The following SYBU variants were observed in gnomAD, a reference collection of about 807,000 sequenced individuals.
The protein encoded by SYBU is syntabulin, also known as GOLSYN A protein.
SYBU carries 21 observed loss-of-function variants against 35.9 expected under a neutral mutation model. The ratio of observed to expected loss-of-function variants is 0.58; its 90% confidence interval spans 0.41 to 0.84. The LOEUF is 0.84. Ranked by LOEUF, SYBU falls within the 40% of genes least tolerant of loss-of-function variation. The pLI, the probability that SYBU is intolerant of heterozygous loss-of-function variation, is 0.00. For missense variants in SYBU, 768 were observed against 848.2 expected, an observed-to-expected ratio of 0.91 and a Z score of 1.17; for synonymous variants, 319 against 324.3, an observed-to-expected ratio of 0.98 and a Z score of 0.18.
At chr8:109,685,331 C>G (rs1424488065), upstream of SYBU, among the ~76,000 whole-genome samples, 5 of 152,180 alleles carry the variant, frequency 3.3e-5, no homozygotes, top group Non-Finnish European at 5.9e-5. Context: ...AATAATTAGA[C>G]AATGCATACC....
At chr8:109,668,548 T>C (rs1054316764) in intron 1 of SYBU, among the ~76,000 whole-genome samples, 1 of 152,204 alleles carries the variant, frequency 6.6e-6, no homozygotes, top group Non-Finnish European at 1.5e-5. Context: ...TCTGTATGTA[T>C]GTGTGCTATG....
At chr8:109,580,525 G>A (rs1028836431) in intron 4 of SYBU, 1 of 153,446 alleles carries the variant, frequency 6.5e-6, no homozygotes, top group Admixed American at 6.4e-5. Flanking sequence ...TGCATCATTG[G>A]TAATTTTGAT....
chr8:109,691,235 G>A lies in SYBU; in HGVS notation c.-58+98C>T. On this transcript the variant is annotated intron_variant, in intron 1 of 7. Coordinates refer to the SYBU transcript ENST00000422135. The surrounding 1 kb of genome is among the most constrained non-coding windows in gnomAD (Gnocchi z 4.7). ...GGAAAGGGTGGTCCTGGGGTCCGGA[G>A]CGCCCCATCACTGCCCTCATTGTAC... The A allele has an allele frequency of 1.5e-6, 1 of 678,752 alleles. No homozygotes were observed. Among genetic ancestry groups the A allele is most frequent in the South Asian group, 1.5e-5 (1 of 64,552 alleles). The allele number at this position is 678,752 out of a possible 1,614,324, so 42.0% of individuals were successfully genotyped here.
At chr8:109,603,257 CT>C (rs1825734504) in intron 3 of SYBU, 1 of 226,482 alleles carries the variant, frequency 4.4e-6, no homozygotes, top group African/African-American at 2.3e-5. Flanking sequence ...TCTCAAGCTT[CT>C]GAACAAAATG....
At chr8:109,606,617 T>C (rs960031199) in intron 3 of SYBU, among the ~76,000 whole-genome samples, 12 of 152,198 alleles carry the variant, frequency 7.9e-5, no homozygotes, top group Non-Finnish European at 1.6e-4. Context: ...ATGATCTCTA[T>C]AGAATTTCTC....
intron 3 of SYBU, among the ~76,000 whole-genome samples, chr8:109,587,370 C>T (rs1429361228): frequency 1.3e-5 from 2 of 152,146 alleles, no homozygotes; most frequent in Non-Finnish European, 2.9e-5. Context: ...AGACATTAAT[C>T]TCACTATTTT....
intron 2 of SYBU, among the ~76,000 whole-genome samples, chr8:109,621,275 C>G (rs528125969): frequency 6.6e-6 from 1 of 152,300 alleles, no homozygotes; most frequent in African/African-American, 2.4e-5. Flanking sequence ...CTAGTCCTTT[C>G]AAGGATTAAG....
intron 4 of SYBU, among the ~76,000 whole-genome samples, chr8:109,582,589 A>G (rs2844236): frequency 0.18 from 27,432 of 152,054 alleles, 2,840 homozygotes; most frequent in East Asian, 0.33. Context: ...ATGACACCTC[A>G]TGAGTGACTC....
At chr8:109,615,166 T>A (rs1811596933) in intron 3 of SYBU, among the ~76,000 whole-genome samples, 1 of 152,186 alleles carries the variant, frequency 6.6e-6, no homozygotes. Context: ...TACTTAATAT[T>A]AAAGAGTCCC....
chr8:109,663,258 C>CAGAT (rs67666534), intron 1 of SYBU, among the ~76,000 whole-genome samples: 20,829 of 149,030 alleles, frequency 0.14, 1,511 homozygotes, highest in East Asian at 0.19. Flanking sequence ...AAAATACATA[C>CAGAT]AGATAGATAG....
In SYBU at chr8:109,668,169, A is replaced by AGAGAGAAAGGG. The variant is rs1418115170; in HGVS notation, c.-129+12541_-129+12542insCCCTTTCTCTC. ...AAGAGGCAGAGGGGGAGAGGGGGAGAGAGAGAGAGAGAGAGAGAGAGAGAG... is the reference window on the plus strand; with the variant it reads ...AAGAGGCAGAGGGGGAGAGGGGGAGAGAGAGAAAGGGGAGAGAGAGAGAGAGAGAGAGAGAG... On this transcript the variant is annotated intron_variant, in intron 1 of 5. Coordinates refer to the SYBU transcript ENST00000408889. 4.2e-3 allele frequency among the ~76,000 whole-genome samples: 511 copies of AGAGAGAAAGGG among 122,734 alleles called. 26 individuals are homozygous for AGAGAGAAAGGG. Among genetic ancestry groups the AGAGAGAAAGGG allele is most frequent in the African/African-American group, 0.015 (445 of 29,462 alleles). 80.5% of individuals were successfully genotyped at this position (122,734 alleles called of 152,430 possible).
chr8:109,645,606 AAAGTT>A, upstream of SYBU: 5 of 270,948 alleles, frequency 1.8e-5, no homozygotes, highest in Non-Finnish European at 3.6e-5. Context: ...CTTTATGCCT[AAAGTT>A]TTTGTTGTTG....
chr8:109,607,808 T>TCACA (rs71305960), intron 3 of SYBU: 35,068 of 373,306 alleles, frequency 0.094, 1,103 homozygotes, highest in African/African-American at 0.13. Flanking sequence ...CACAACTAAC[T>TCACA]CACACACACA....
chr8:109,592,284 A>G (rs1824371934), intron 3 of SYBU, among the ~76,000 whole-genome samples: 1 of 152,184 alleles, frequency 6.6e-6, no homozygotes, highest in Non-Finnish European at 1.5e-5. Flanking sequence ...TTCAGCAAAG[A>G]GCATGTTTCT....
At chr8:109,607,374 A>T (rs1246293519) in intron 3 of SYBU, among the ~76,000 whole-genome samples, 1 of 152,234 alleles carries the variant, frequency 6.6e-6, no homozygotes, top group Non-Finnish European at 1.5e-5. Flanking sequence ...TTTTCATGGT[A>T]ATCAGGCAGA....
intron 3 of SYBU, among the ~76,000 whole-genome samples, chr8:109,600,180 G>A (rs1021362284): frequency 5.3e-5 from 8 of 152,190 alleles, no homozygotes; most frequent in Non-Finnish European, 7.3e-5. Flanking sequence ...GTGTCACACA[G>A]GGTTTAGCAC....
At chr8:109,637,130 C>T (rs1232281492) in intron 2 of SYBU, among the ~76,000 whole-genome samples, 1 of 152,178 alleles carries the variant, frequency 6.6e-6, no homozygotes, top group African/African-American at 2.4e-5. Context: ...ATCTGGAAAG[C>T]CTGTAAAATG....
upstream of SYBU, among the ~76,000 whole-genome samples, chr8:109,682,008 G>A (rs111530015): frequency 6.6e-6 from 1 of 152,086 alleles, no homozygotes; most frequent in Admixed American, 6.5e-5. Context: ...CATAATGATT[G>A]TAAGTTTCCT....
intron 3 of SYBU, among the ~76,000 whole-genome samples, chr8:109,607,299 A>C (rs754432757): frequency 6.6e-6 from 1 of 152,236 alleles, no homozygotes; most frequent in Non-Finnish European, 1.5e-5. Flanking sequence ...CTGTTTCAGA[A>C]TTTCTACTGG....
Sources: allele counts gnomAD v4.1 joint callset (sites outside exome capture counted in the v4.1 genomes callset), GRCh38; gene constraint gnomAD v4.1.1; non-coding constraint Gnocchi (gnomAD v3.1); transcripts MANE v1.5; gene names NCBI Gene and HGNC (gene_info 2026-07-23, HGNC 2026-07-21).